The following PCDHA1 variants were observed in gnomAD, a reference collection of about 807,000 sequenced individuals.
PCDHA1 encodes protocadherin alpha 1.
A neutral mutation model predicts 61.3 loss-of-function variants in PCDHA1; 42 were observed. That is an observed-to-expected ratio of 0.69 (90% confidence interval 0.54 to 0.89). The LOEUF (loss-of-function observed/expected upper bound fraction) is 0.89. Ranked by LOEUF, PCDHA1 falls within the 40% of genes least tolerant of loss-of-function variation. The probability of loss-of-function intolerance (pLI) is 0.00; values close to 1 mark genes in which losing one functional copy is unlikely to be tolerated. For missense variants in PCDHA1, 1,256 were observed against 1,235.3 expected (o/e 1.02, Z -0.25); for synonymous variants, 610 against 553.8 (o/e 1.10, Z -1.43).
chr5:140,822,587 G>A (rs2150117559), intron 1 of PCDHA1: 3 of 1,609,596 alleles, frequency 1.9e-6, no homozygotes, highest in Admixed American at 3.3e-5. Flanking sequence ...GCAGATGAGG[G>A]CATCAATAAG....
At chr5:140,808,824 G>T (rs142005186) in intron 1 of PCDHA1, 2 of 1,612,884 alleles carry the variant, frequency 1.2e-6, no homozygotes, top group Non-Finnish European at 8.5e-7. Flanking sequence ...CCACCTCTGG[G>T]CAGCAACGTG....
At chr5:140,807,682 C>G (rs782331104) in intron 1 of PCDHA1, 5 of 1,614,224 alleles carry the variant, frequency 3.1e-6, no homozygotes, top group Non-Finnish European at 4.2e-6. Flanking sequence ...TCGGGGAGAA[C>G]GCCCTGCTCA....
chr5:140,926,830 G>T (rs2083580756), intron 1 of PCDHA1: 2 of 1,503,958 alleles, frequency 1.3e-6, no homozygotes, highest in Non-Finnish European at 1.8e-6. Context: ...CAGGAGTCCG[G>T]AGCATGGTCC....
intron 1 of PCDHA1, chr5:140,801,407 A>C (rs1762701504): frequency 6.2e-7 from 1 of 1,613,608 alleles, no homozygotes; most frequent in African/African-American, 1.3e-5. Context: ...CGTCCAAAAG[A>C]CACGGGGACC....
chr5:140,788,221 G>C lies in PCDHA1; in HGVS notation c.1931G>C (p.Arg644Pro). 1.9e-6 allele frequency: 3 copies of C among 1,614,026 alleles called. No individual in the cohort carries two copies. The highest frequency in any genetic ancestry group is 1.1e-5 in the South Asian group (1 of 91,088). ...GTCCTGGACGAGGCTGACTTGTCGC[G>C]CTACCGCCTTCTGGTGCTAGTGAAG... ...TRVLDEADLS[R>P]YRLLVLVKDH... The change falls in exon 1 of 4, where the codon CGC (arginine) becomes CCC (proline). Residue 644 changes from arginine (R) to proline (P), a missense_variant. Transcript: ENST00000504120.
intron 1 of PCDHA1, chr5:140,857,354 G>T (rs1449369579): frequency 6.3e-7 from 1 of 1,598,378 alleles, no homozygotes. Context: ...TCCGCTGTGG[G>T]CCACGGCCAG....
At chr5:140,806,285 A>G (rs1763712643) in intron 1 of PCDHA1, among the ~76,000 whole-genome samples, 1 of 152,252 alleles carries the variant, frequency 6.6e-6, no homozygotes, top group South Asian at 2.1e-4. Context: ...GCTAAAATAT[A>G]TAAGCACTAT....
At chr5:140,808,735 G>T (rs1389730174) in intron 1 of PCDHA1, 1 of 1,612,086 alleles carries the variant, frequency 6.2e-7, no homozygotes, top group Non-Finnish European at 8.5e-7. Context: ...AGAGCGGCAA[G>T]GTGTACGCGC....
intron 1 of PCDHA1, chr5:140,814,541 A>G (rs2126656456): frequency 1.5e-4 from 23 of 152,116 alleles, no homozygotes; most frequent in African/African-American, 4.6e-4. Flanking sequence ...TAAAGCAGTA[A>G]CATTTACTAT....
chr5:140,962,495 C>T (rs2153732507), intron 1 of PCDHA1, among the ~76,000 whole-genome samples: 1 of 152,240 alleles, frequency 6.6e-6, no homozygotes, highest in Admixed American at 6.5e-5. Context: ...AATTTTCAGA[C>T]ACCTCAGCCA....
chr5:140,909,171 T>C (rs2074353484), intron 1 of PCDHA1, among the ~76,000 whole-genome samples: 1 of 152,208 alleles, frequency 6.6e-6, no homozygotes, highest in Non-Finnish European at 1.5e-5. Flanking sequence ...ATCAATCAAG[T>C]TCTCTCCAAA....
chr5:140,875,865 G>C (rs782211791), intron 1 of PCDHA1: 6 of 1,614,160 alleles, frequency 3.7e-6, no homozygotes, highest in Non-Finnish European at 5.1e-6. Context: ...ACAACCCGCC[G>C]GTGTTCAGAG....
intron 3 of PCDHA1, among the ~76,000 whole-genome samples, chr5:140,986,901 A>G (rs1289100953): frequency 6.6e-6 from 1 of 152,134 alleles, no homozygotes; most frequent in Non-Finnish European, 1.5e-5. Context: ...GCCCTATCCT[A>G]GACTAATGAA....
At chr5:140,983,822 T>C (rs1453990514) in intron 3 of PCDHA1, among the ~76,000 whole-genome samples, 2 of 152,216 alleles carry the variant, frequency 1.3e-5, no homozygotes, top group Non-Finnish European at 2.9e-5. Flanking sequence ...TTCCCAAAAA[T>C]AATCAGATGC....
chr5:140,823,814 G>A (rs782047530), intron 1 of PCDHA1: 1 of 1,613,762 alleles, frequency 6.2e-7, no homozygotes, highest in Middle Eastern at 1.7e-4. Flanking sequence ...GCCTCATCGC[G>A]GGCGTCGGCG....
chr5:140,883,806 A>T (rs1554180079), intron 1 of PCDHA1: 1 of 1,612,344 alleles, frequency 6.2e-7, no homozygotes, highest in East Asian at 2.2e-5. Flanking sequence ...GTGCACGCGG[A>T]GAGCGGCAAG....
chr5:140,841,736 A>C, intron 1 of PCDHA1: 1 of 1,613,716 alleles, frequency 6.2e-7, no homozygotes, highest in South Asian at 1.1e-5. Flanking sequence ...AAAAGACCAA[A>C]AGCTGTTTGT....
At chr5:140,927,714 C>G (rs111315855) in intron 1 of PCDHA1, 1 of 1,614,198 alleles carries the variant, frequency 6.2e-7, no homozygotes. Flanking sequence ...CCCTAAGCAA[C>G]AGCACGCAAG....
rs539789047 is a variant in PCDHA1 at position 140,796,294 on chromosome 5, G to C, written c.2394+7610G>C. ...GTGGGCCACCACCAGCGTGTCCATCGAGGTGGCCGACGTGAACGACAACGC... is the reference window on the plus strand; with the variant it reads ...GTGGGCCACCACCAGCGTGTCCATCCAGGTGGCCGACGTGAACGACAACGC... On this transcript the variant is annotated intron_variant, in intron 1 of 3. Coordinates refer to ENST00000504120, the MANE Select transcript of PCDHA1 (RefSeq NM_018900.4). 25 of 1,614,094 alleles carry C rather than the reference G, an allele frequency of 1.5e-5. No individual in the cohort carries two copies. The East Asian group carries it at 4.0e-4, about 26-fold the overall frequency.
Sources: allele counts gnomAD v4.1 joint callset (sites outside exome capture counted in the v4.1 genomes callset), GRCh38; gene constraint gnomAD v4.1.1; transcripts MANE v1.5; gene names NCBI Gene and HGNC (gene_info 2026-07-23, HGNC 2026-07-21).